KCNMA1: variants seen among roughly 807,000 people sequenced by gnomAD.
The protein encoded by KCNMA1 is Calcium-activated potassium channel subunit alpha-1.
In KCNMA1, 29 loss-of-function variants were observed where a neutral mutation model predicts 140.0. That is an observed-to-expected ratio of 0.21 (90% CI 0.15 to 0.28). The LOEUF is 0.28. KCNMA1 is among the 10% of genes least tolerant of loss of function. The pLI is 1.00. For missense variants in KCNMA1, 880 were observed against 1,602.2 expected (o/e 0.55, Z 7.70); for synonymous variants, 612 against 611.9 (o/e 1.00, Z 0.00).
chr10:77,290,094 G>A (rs547339547), intron 2 of KCNMA1, among the ~76,000 whole-genome samples: 48 of 152,236 alleles, frequency 3.2e-4, no homozygotes, highest in African/African-American at 1.0e-3. Flanking sequence ...GTGGTTACAC[G>A]CCTCCATACA....
intron 2 of KCNMA1, among the ~76,000 whole-genome samples, chr10:77,326,269 C>T (rs1159531362): frequency 6.6e-6 from 1 of 152,110 alleles, no homozygotes; most frequent in Admixed American, 6.5e-5. Context: ...CTCAGGTTCC[C>T]CCACAAGTCT....
At chr10:77,584,601 C>T (rs1324946007) in intron 1 of KCNMA1, among the ~76,000 whole-genome samples, 1 of 152,178 alleles carries the variant, frequency 6.6e-6, no homozygotes. Context: ...TCATGATCTG[C>T]CTGCCTCAGC....
chr10:77,520,096 T>C lies in KCNMA1; in HGVS notation c.379-116073A>G, dbSNP rs565538088. On this transcript the variant is annotated intron_variant, in intron 1 of 27. Transcript: ENST00000286628. The stretch of plus-strand genomic sequence containing the variant: ...GCAGTGTGAGGTCTGGAGTATGCAG[T>C]GTGAGGGTGTGCAGTGTGAGGTCCG... 3.3e-5 allele frequency among the ~76,000 whole-genome samples: 5 copies of C among 150,354 alleles called. No homozygotes were observed. In the East Asian group the frequency reaches 5.9e-4, roughly 18 times the overall value.
chr10:77,302,537 AG>A (rs1250664333), intron 2 of KCNMA1, among the ~76,000 whole-genome samples: 1 of 152,170 alleles, frequency 6.6e-6, no homozygotes, highest in Non-Finnish European at 1.5e-5. Flanking sequence ...CACATTCTCC[AG>A]GGTCCCAATT....
intron 15 of KCNMA1, among the ~76,000 whole-genome samples, chr10:77,034,465 G>C (rs149753368): frequency 6.6e-6 from 1 of 152,128 alleles, no homozygotes; most frequent in Non-Finnish European, 1.5e-5. Flanking sequence ...CCCAGCTTTC[G>C]CCGGGCGGTC....
chr10:77,008,280 T>G (rs1396873666), intron 18 of KCNMA1: 1 of 1,400,672 alleles, frequency 7.1e-7, no homozygotes, highest in African/African-American at 1.4e-5. Context: ...GTCAATGATT[T>G]GAAGTCAAAG....
chr10:76,955,697 A>G (rs2067988694), intron 20 of KCNMA1, among the ~76,000 whole-genome samples: 1 of 152,222 alleles, frequency 6.6e-6, no homozygotes, highest in Admixed American at 6.5e-5. Flanking sequence ...GATAAGAACT[A>G]TTTACAGATC....
At chr10:76,874,265 A>C (rs1320445574), downstream of KCNMA1, 2 of 152,356 alleles carry the variant, frequency 1.3e-5, no homozygotes, top group East Asian at 3.9e-4. Flanking sequence ...ACCACTCCTG[A>C]GTAAGGCTGG....
chr10:77,274,604 C>T (rs1027798025), intron 2 of KCNMA1, among the ~76,000 whole-genome samples: 1 of 152,138 alleles, frequency 6.6e-6, no homozygotes, highest in African/African-American at 2.4e-5. Context: ...CTAGTGGAAG[C>T]CCCACTATTT....
chr10:77,079,898 G>T (rs539525132), intron 12 of KCNMA1, among the ~76,000 whole-genome samples: 1 of 152,244 alleles, frequency 6.6e-6, no homozygotes, highest in East Asian at 1.9e-4. Context: ...GTCCAATTAT[G>T]AAATCAACTA....
At chr10:77,477,533 G>A (rs2098303981) in intron 1 of KCNMA1, among the ~76,000 whole-genome samples, 2 of 152,206 alleles carry the variant, frequency 1.3e-5, no homozygotes, top group South Asian at 2.1e-4. Flanking sequence ...GCTGCCTGGA[G>A]CACTGTGTTA....
chr10:77,518,818 A>C (rs1368732981), intron 1 of KCNMA1, among the ~76,000 whole-genome samples: 1 of 152,328 alleles, frequency 6.6e-6, no homozygotes, highest in South Asian at 2.1e-4. Context: ...CAATAGGTCT[A>C]TGTTCTGATC....
chr10:77,073,274 T>G, intron 13 of KCNMA1, 22 bp from the exon 14 acceptor site: 1 of 1,613,374 alleles, frequency 6.2e-7, no homozygotes, highest in Non-Finnish European at 8.5e-7. Flanking sequence ...AAAGCAGGTA[T>G]GAGACCTTGC....
At chr10:77,544,601 G>A (rs768143180) in intron 1 of KCNMA1, among the ~76,000 whole-genome samples, 1 of 152,072 alleles carries the variant, frequency 6.6e-6, no homozygotes, top group Non-Finnish European at 1.5e-5. Flanking sequence ...TTCCCTAACT[G>A]TGAGCTAAGC....
intron 2 of KCNMA1, among the ~76,000 whole-genome samples, chr10:77,310,386 A>T (rs2078968655): frequency 6.6e-6 from 1 of 152,112 alleles, no homozygotes; most frequent in Non-Finnish European, 1.5e-5. Flanking sequence ...TGGTGATCCT[A>T]GTCAGCCCAA....
chr10:77,335,649 G>T (rs1462409108), intron 2 of KCNMA1, among the ~76,000 whole-genome samples: 8 of 152,160 alleles, frequency 5.3e-5, no homozygotes, highest in African/African-American at 1.9e-4. Context: ...GGAGAGGAAA[G>T]AGTGGCCAGT....
At chr10:77,017,285 C>T (rs1343913962) in intron 17 of KCNMA1, among the ~76,000 whole-genome samples, 2 of 152,174 alleles carry the variant, frequency 1.3e-5, no homozygotes, top group Non-Finnish European at 2.9e-5. Flanking sequence ...TCCCCAGCCT[C>T]CTGTACTTGG....
intron 24 of KCNMA1, chr10:76,911,199 T>C (rs774178955): frequency 1.9e-4 from 16 of 82,702 alleles, no homozygotes; most frequent in South Asian, 1.3e-3. Flanking sequence ...ATAACTCTTC[T>C]TTTTTAAAAA....
intron 23 of KCNMA1, among the ~76,000 whole-genome samples, chr10:76,918,566 C>T (rs973976163): frequency 6.6e-6 from 1 of 152,100 alleles, no homozygotes; most frequent in Non-Finnish European, 1.5e-5. Flanking sequence ...CAAGAACGGC[C>T]ATAATCAAAA....
Sources: gnomAD v4.1 joint callset for allele counts (sites outside exome capture counted in the v4.1 genomes callset) on GRCh38, gnomAD v4.1.1 for gene constraint, MANE v1.5 for transcripts, NCBI Gene and HGNC (gene_info 2026-07-23, HGNC 2026-07-21) for gene names.